The following CUL1 variants were observed in gnomAD, a reference collection of about 807,000 sequenced individuals.
The protein encoded by CUL1 is cullin-1.
Under a neutral mutation model 118.0 loss-of-function variants are expected in CUL1, and 24 were observed. The ratio of observed to expected loss-of-function variants is 0.20; its 90% CI spans 0.15 to 0.29. The LOEUF (loss-of-function observed/expected upper bound fraction) is 0.29. Among genes scored for constraint, CUL1 ranks in the 10% least tolerant of loss-of-function variants. The pLI, the probability that CUL1 is intolerant of heterozygous loss-of-function variation, is 1.00. For synonymous variants in CUL1, 332 were observed against 340.4 expected, an observed-to-expected ratio of 0.98 and a Z score of 0.27; for missense variants, 361 against 933.8, an observed-to-expected ratio of 0.39 and a Z score of 7.99.
chr7:148,780,714 G>C (rs895845921), intron 9 of CUL1, among the ~76,000 whole-genome samples: 1 of 152,250 alleles, frequency 6.6e-6, no homozygotes, highest in Non-Finnish European at 1.5e-5. Flanking sequence ...TGAGCCCTTA[G>C]GGACAAGCCC....
At chr7:148,799,895 C>T (rs926921510) in intron 21 of CUL1, among the ~76,000 whole-genome samples, 1 of 152,140 alleles carries the variant, frequency 6.6e-6, no homozygotes, top group Non-Finnish European at 1.5e-5. Context: ...TGGGAACACA[C>T]CTTCCTTTAT....
chr7:148,751,142 C>T (rs143394301), intron 2 of CUL1, among the ~76,000 whole-genome samples: 45 of 152,242 alleles, frequency 3.0e-4, no homozygotes, highest in African/African-American at 1.1e-3. Context: ...AAGTTGGCAA[C>T]TCTTAATAAA....
In CUL1 at chr7:148,761,382, G is replaced by A. The variant is rs145196358; in HGVS notation, c.789+886G>A. Among the ~76,000 whole-genome samples the A allele has an allele frequency of 9.1e-3, 1,383 of 152,150 alleles. 16 individuals carry two copies. The highest frequency in any genetic ancestry group is 0.031 in the African/African-American group (1,307 of 41,518). The stretch of plus-strand genomic sequence containing the variant: ...AAAATTTATCTGGGCATGGTGGCAC[G>A]TGCCTGTAATCCCAGCTATTCAGGA... On this transcript the variant is annotated intron_variant, in intron 7 of 21. Coordinates refer to ENST00000325222, the MANE Select transcript of CUL1 (RefSeq NM_003592.3).
intron 2 of CUL1, among the ~76,000 whole-genome samples, chr7:148,735,943 C>T (rs780407575): frequency 2.7e-5 from 4 of 149,978 alleles, no homozygotes; most frequent in Non-Finnish European, 5.9e-5. Context: ...GAGGCCAGGG[C>T]AGGTGGATCA....
At chr7:148,798,749 G>A in intron 20 of CUL1, 72 bp downstream of exon 20, 3 of 1,181,422 alleles carry the variant, frequency 2.5e-6, no homozygotes, top group Non-Finnish European at 3.8e-6. Context: ...ACGGGCCGTG[G>A]GGGGTAGGCG....
chr7:148,776,779 C>T (rs1279637956), intron 9 of CUL1, among the ~76,000 whole-genome samples: 1 of 152,162 alleles, frequency 6.6e-6, no homozygotes, highest in East Asian at 1.9e-4. Context: ...ACTGAAGTAA[C>T]CCTTGATTGG....
intron 1 of CUL1, among the ~76,000 whole-genome samples, chr7:148,726,419 A>C (rs1246177663): frequency 1.3e-5 from 2 of 152,132 alleles, no homozygotes; most frequent in Non-Finnish European, 2.9e-5. Flanking sequence ...TTAAATTTCA[A>C]AATATCTGAG....
At chr7:148,759,736 TA>T in intron 6 of CUL1, 98 bp downstream of exon 6, 1 of 567,302 alleles carries the variant, frequency 1.8e-6, no homozygotes, top group Non-Finnish European at 3.0e-6. Context: ...TTTAATATTA[TA>T]AAGGATATTG....
At chr7:148,784,109 C>A in intron 11 of CUL1, 32 bp downstream of exon 11, 1 of 1,521,488 alleles carries the variant, frequency 6.6e-7, no homozygotes, top group African/African-American at 1.4e-5. Context: ...TCTTAGTATG[C>A]CTGTTTAAAA....
At chr7:148,735,829 A>C (rs1474339232) in intron 2 of CUL1, among the ~76,000 whole-genome samples, 2 of 152,206 alleles carry the variant, frequency 1.3e-5, no homozygotes, top group Non-Finnish European at 2.9e-5. Context: ...ACTGGTTCAC[A>C]GAAGAAATGC....
At chr7:148,791,909 G>T (rs143526224) in intron 16 of CUL1, among the ~76,000 whole-genome samples, 1 of 152,228 alleles carries the variant, frequency 6.6e-6, no homozygotes, top group Non-Finnish European at 1.5e-5. Context: ...ATACTTTAGG[G>T]CCGGGTGCAG....
At chr7:148,779,556 G>A (rs986766900) in intron 9 of CUL1, among the ~76,000 whole-genome samples, 1 of 152,208 alleles carries the variant, frequency 6.6e-6, no homozygotes, top group Non-Finnish European at 1.5e-5. Context: ...AACGAAGAAG[G>A]CAGCATGGGC....
rs758368192 is a variant in CUL1 at position 148,798,014 on chromosome 7, T to C, written c.2025T>C (p.Tyr675=). Residue 675 remains tyrosine (Y), a synonymous_variant, in exon 19 of 22, where the codon TAT becomes TAC. Coordinates refer to ENST00000325222, the MANE Select transcript of CUL1 (RefSeq NM_003592.3). ...CCTTAATAAAATTATATCTTGGTTATAAAAAGTAAGAAAAATCTAATAAGT... is the reference window on the plus strand; with the variant it reads ...CCTTAATAAAATTATATCTTGGTTACAAAAAGTAAGAAAAATCTAATAAGT... ...PDTLIKLYLG[Y]KNKKLRVNIN... 1.9e-6 allele frequency: 3 copies of C among 1,587,728 alleles called. No homozygotes were observed. The highest frequency in any genetic ancestry group is 2.2e-5 in the East Asian group (1 of 44,674).
chr7:148,784,743 C>A lies in CUL1; in HGVS notation c.1298+666C>A, dbSNP rs550250072. ...GGCTTTCTGTTGCAATAGTTTTCCA[C>A]ACGCCAAAATTATATTGGTTTTGAT... On this transcript the variant is annotated intron_variant, in intron 11 of 21. Coordinates refer to ENST00000325222, the MANE Select transcript of CUL1 (RefSeq NM_003592.3). Among the ~76,000 whole-genome samples the A allele has an allele frequency of 5.0e-4, 76 of 152,298 alleles. 1 individual carries two copies. The highest frequency in any genetic ancestry group is 1.7e-3 in the African/African-American group (70 of 41,564).
chr7:148,722,957 G>A (rs1387149235), intron 1 of CUL1, among the ~76,000 whole-genome samples: 1 of 152,232 alleles, frequency 6.6e-6, no homozygotes, highest in East Asian at 1.9e-4. Flanking sequence ...CAGCCCACAT[G>A]CTCAAGGTCG....
intron 2 of CUL1, among the ~76,000 whole-genome samples, chr7:148,735,373 C>T (rs901766750): frequency 3.3e-5 from 5 of 152,198 alleles, no homozygotes; most frequent in East Asian, 3.9e-4. Flanking sequence ...TCTTGGCTGC[C>T]GCCACCACTC....
chr7:148,709,770 A>G (rs1447165541), intron 1 of CUL1, among the ~76,000 whole-genome samples: 1 of 152,150 alleles, frequency 6.6e-6, no homozygotes, highest in Admixed American at 6.5e-5. Context: ...AACATGCAGG[A>G]TATTCTTTAT....
chr7:148,798,555 C>T lies in CUL1; in HGVS notation c.2031-17C>T. 1 of 1,586,346 alleles carries T rather than the reference C, an allele frequency of 6.3e-7. No individual in the cohort carries two copies. Among genetic ancestry groups the T allele is most frequent in the Non-Finnish European group, 8.7e-7 (1 of 1,154,788 alleles). ...TTTTAATATAATAGTGATCGGTTTC[C>T]TCATTTTTCTTGATAGTAAGAAATT... On this transcript the variant is annotated splice_polypyrimidine_tract_variant and intron_variant, in intron 19 of 21. Transcript: ENST00000325222.
intron 7 of CUL1, among the ~76,000 whole-genome samples, chr7:148,764,816 A>G (rs963238340): frequency 1.3e-5 from 2 of 152,254 alleles, no homozygotes; most frequent in African/African-American, 2.4e-5. Flanking sequence ...TACAAATAAC[A>G]TAAACCTACA....
Sources: allele counts gnomAD v4.1 joint callset (sites outside exome capture counted in the v4.1 genomes callset), GRCh38; gene constraint gnomAD v4.1.1; transcripts MANE v1.5; gene names NCBI Gene and HGNC (gene_info 2026-07-23, HGNC 2026-07-21).